Variants in CCDC144A observed in about 807,000 individuals in gnomAD.
CCDC144A encodes the protein coiled-coil domain-containing protein 144A.
CCDC144A carries 41 observed loss-of-function variants against 143.8 expected under a neutral mutation model. That is an observed-to-expected ratio of 0.29 (90% CI 0.22 to 0.37). CCDC144A has a LOEUF of 0.37. Ranked by LOEUF, CCDC144A falls within the 10% of genes least tolerant of loss-of-function variation. The pLI, the probability that CCDC144A is intolerant of heterozygous loss-of-function variation, is 1.00. For missense variants in CCDC144A, 637 were observed against 1,488.8 expected (o/e 0.43, Z 9.41); for synonymous variants, 242 against 517.9 (o/e 0.47, Z 7.23).
At chr17:16,670,120 G>T in the CCDC144A span, among the ~76,000 whole-genome samples, 1 of 151,738 alleles carries the variant, frequency 6.6e-6, no homozygotes, top group Non-Finnish European at 1.5e-5. Flanking sequence ...GGCAGAGGTT[G>T]CAGTGAGCTG....
intron 12 of CCDC144A, among the ~76,000 whole-genome samples, chr17:16,753,428 GTTTTTTTTTTTTTTTT>G: frequency 8.7e-5 from 5 of 57,376 alleles, no homozygotes; most frequent in Admixed American, 7.9e-4. Flanking sequence ...GTGTTTTGTA[GTTTTTTTTTTTTTTTT>G]TTTTTTTTTT....
intron 6 of CCDC144A, among the ~76,000 whole-genome samples, chr17:16,712,316 T>C (rs1030471923): frequency 6.6e-6 from 1 of 152,162 alleles, no homozygotes; most frequent in African/African-American, 2.4e-5. Context: ...ATCATATTGA[T>C]ATTTTATTTA....
intron 8 of CCDC144A, among the ~76,000 whole-genome samples, chr17:16,723,738 A>T (rs1324723329): frequency 6.6e-6 from 1 of 152,164 alleles, no homozygotes; most frequent in Non-Finnish European, 1.5e-5. Context: ...CTTGGCTCCC[A>T]TGAGCTAATT....
At chr17:16,746,763 G>T in intron 12 of CCDC144A, 8 of 1,602,948 alleles carry the variant, frequency 5.0e-6, no homozygotes, top group Non-Finnish European at 6.8e-6. Flanking sequence ...ATGACCACCT[G>T]CGGGGAGCGC....
the CCDC144A span, chr17:16,683,839 T>C: frequency 7.2e-7 from 1 of 1,393,278 alleles, no homozygotes. Context: ...CGCCTCCAGT[T>C]AGCAGAGACA....
chr17:16,687,892 A>AT (rs953258940), upstream of CCDC144A, among the ~76,000 whole-genome samples: 132 of 149,236 alleles, frequency 8.8e-4, no homozygotes, highest in Middle Eastern at 3.4e-3. Context: ...TAGCACACTA[A>AT]TTTTTTTTTT....
At position 16,709,247 on chromosome 17, in the gene CCDC144A, A is replaced by G. The variant is rs779127533; in HGVS notation, c.1190A>G (p.His397Arg). 1.9e-6 allele frequency: 3 copies of G among 1,611,640 alleles called. No individual in the cohort carries two copies. The highest frequency in any genetic ancestry group is 2.2e-5 in the South Asian group (2 of 90,992). The change falls in exon 5 of 17, where the codon CAT becomes CGT. Residue 397 changes from histidine to arginine, a missense_variant. His to Arg is a conservative substitution (Grantham distance 29). Transcript: ENST00000399273. ...CAGTCATCTTCTAAGTTTCATTTAC[A>G]TGAAAATAAATTAGACTGCGACAAT... ...VCQSSSKFHL[H>R]ENKLDCDNDN...
At chr17:16,724,350 A>G (rs1025552758) in intron 8 of CCDC144A, among the ~76,000 whole-genome samples, 2 of 152,062 alleles carry the variant, frequency 1.3e-5, no homozygotes, top group Non-Finnish European at 2.9e-5. Context: ...ATCCTGACCA[A>G]TACGTTGAAA....
Position 16,746,271 on chromosome 17 carries a change from CTT to C in CCDC144A, c.3372+10642_3372+10643del, listed in dbSNP as rs141884494. On this transcript the variant is annotated intron_variant, in intron 12 of 16. Transcript: ENST00000399273. ...CTTCTGTTTATCTGTCTCTCTCTCT[CTT>C]TTTTTTTTTTTTTGCATCTTTCTTC... 3.3e-3 allele frequency: 2,596 copies of C among 776,094 alleles called. 4 individuals are homozygous for C. Among genetic ancestry groups the C allele is most frequent in the African/African-American group, 0.017 (750 of 44,352 alleles). 48.1% of individuals were successfully genotyped at this position (776,094 alleles called of 1,614,324 possible).
At chr17:16,769,049 C>T (rs1915722253) in intron 15 of CCDC144A, among the ~76,000 whole-genome samples, 1 of 152,158 alleles carries the variant, frequency 6.6e-6, no homozygotes, top group Non-Finnish European at 1.5e-5. Context: ...GAGGATGTGG[C>T]TCAGATGTGC....
At chr17:16,741,351 G>T (rs1340827937) in intron 12 of CCDC144A, among the ~76,000 whole-genome samples, 2 of 151,872 alleles carry the variant, frequency 1.3e-5, no homozygotes, top group Non-Finnish European at 2.9e-5. Context: ...TGTTGCTGAT[G>T]GTGGCTATTG....
chr17:16,764,397 A>G, intron 15 of CCDC144A: 1 of 964,968 alleles, frequency 1.0e-6, no homozygotes, highest in Non-Finnish European at 1.4e-6. Context: ...AAATGTAACC[A>G]AACTGACACA....
intron 2 of CCDC144A, among the ~76,000 whole-genome samples, chr17:16,703,978 G>A (rs990680370): frequency 6.6e-6 from 1 of 152,252 alleles, no homozygotes; most frequent in Middle Eastern, 3.4e-3. Context: ...ATAACATTTT[G>A]TATTATTTGA....
the CCDC144A span, among the ~76,000 whole-genome samples, chr17:16,675,310 T>C: frequency 6.6e-6 from 1 of 151,414 alleles, no homozygotes; most frequent in Non-Finnish European, 1.5e-5. Context: ...CTGAGGACAT[T>C]AATAACTTGA....
chr17:16,681,910 A>G, the CCDC144A span, among the ~76,000 whole-genome samples: 1 of 151,972 alleles, frequency 6.6e-6, no homozygotes, highest in Non-Finnish European at 1.5e-5. Flanking sequence ...AAAAAATTGC[A>G]TACTGTGGTT....
At chr17:16,744,459 G>C (rs1011708467) in intron 12 of CCDC144A, among the ~76,000 whole-genome samples, 12 of 152,108 alleles carry the variant, frequency 7.9e-5, no homozygotes, top group African/African-American at 2.9e-4. Context: ...CTGATGATCA[G>C]TGATGATGAG....
chr17:16,769,876 G>A (rs1915757006), intron 15 of CCDC144A, among the ~76,000 whole-genome samples: 1 of 151,952 alleles, frequency 6.6e-6, no homozygotes, highest in South Asian at 2.1e-4. Context: ...CTCCCAGGCT[G>A]GAGAGCAGTG....
chr17:16,733,745 G>A (rs1055643760), intron 11 of CCDC144A, among the ~76,000 whole-genome samples: 2 of 151,856 alleles, frequency 1.3e-5, no homozygotes, highest in African/African-American at 2.4e-5. Flanking sequence ...AGCACTAGAA[G>A]TAAAGTAAGG....
At position 16,744,334 on chromosome 17, in the gene CCDC144A, A is replaced by G. The variant is rs4034560; in HGVS notation, c.3372+8691A>G. On this transcript the variant is annotated intron_variant, in intron 12 of 16. Transcript: ENST00000399273. ...AATAGTGTATTAGAATTCCCTTTTC[A>G]CTGTAGCAGCTCTGCCAAAATCTGG... Among the ~76,000 whole-genome samples the G allele has an allele frequency of 5.3e-5, 8 of 152,292 alleles. No homozygotes were observed. The East Asian group carries it at 5.8e-4, about 11-fold the overall frequency.
Sources: gnomAD v4.1 joint callset for allele counts (sites outside exome capture counted in the v4.1 genomes callset) on GRCh38, gnomAD v4.1.1 for gene constraint, MANE v1.5 for transcripts, NCBI Gene and HGNC (gene_info 2026-07-23, HGNC 2026-07-21) for gene names.